Variants in ABCB5 observed in about 807,000 individuals in gnomAD.
ABCB5 encodes the protein ATP binding cassette subfamily B member 5.
A neutral mutation model predicts 144.2 loss-of-function variants in ABCB5; 155 were observed. The ratio of observed to expected loss-of-function variants is 1.08; its 90% CI spans 0.94 to 1.23. The LOEUF is 1.23. Ranked by LOEUF, ABCB5 falls within the 50% of genes most tolerant of loss-of-function variation. The pLI is 0.00. For missense variants in ABCB5, 1,830 were observed against 1,520.8 expected (o/e 1.20, Z -3.38); for synonymous variants, 610 against 528.6 (o/e 1.15, Z -2.11).
At chr7:20,696,614 A>C (rs1038837767) in intron 16 of ABCB5, among the ~76,000 whole-genome samples, 3 of 152,116 alleles carry the variant, frequency 2.0e-5, no homozygotes, top group African/African-American at 7.2e-5. Context: ...GAAAGCTCTA[A>C]GCTGTATCAA....
intron 14 of ABCB5, chr7:20,667,022 T>C (rs12535128): frequency 1.6e-6 from 1 of 629,722 alleles, no homozygotes; most frequent in Non-Finnish European, 2.3e-6. Context: ...TTAGGTCACA[T>C]GAATGATCTA....
At chr7:20,626,006 T>C (rs60483153) in intron 2 of ABCB5, among the ~76,000 whole-genome samples, 11,442 of 152,236 alleles carry the variant, frequency 0.075, 457 homozygotes, top group African/African-American at 0.096. Flanking sequence ...GAAGACTTTA[T>C]GCTAAGTGAA....
intron 26 of ABCB5, among the ~76,000 whole-genome samples, chr7:20,752,981 G>A (rs1782977904): frequency 1.3e-5 from 2 of 152,190 alleles, no homozygotes; most frequent in South Asian, 4.1e-4. Flanking sequence ...TAATTTCCTT[G>A]TTGTTTTTAC....
Position 20,639,924 on chromosome 7 carries a change from C to G in ABCB5, c.315-3260C>G, listed in dbSNP as rs571311566. ...AATTTTGACAGGGATTGCATTGAATCTATAGATAAATTTGGGGAAGATTGT... is the reference window on the plus strand; with the variant it reads ...AATTTTGACAGGGATTGCATTGAATGTATAGATAAATTTGGGGAAGATTGT... On this transcript the variant is annotated intron_variant, in intron 5 of 27. Transcript: ENST00000404938. Among the ~76,000 whole-genome samples the G allele has an allele frequency of 2.4e-4, 36 of 152,242 alleles. No homozygotes were observed. In the South Asian group the frequency reaches 7.3e-3, roughly 31 times the overall value.
At chr7:20,624,020 T>G (rs932319924) in intron 2 of ABCB5, among the ~76,000 whole-genome samples, 1 of 152,188 alleles carries the variant, frequency 6.6e-6, no homozygotes, top group African/African-American at 2.4e-5. Flanking sequence ...TAGGAACATT[T>G]TGAAAATCAA....
intron 2 of ABCB5, among the ~76,000 whole-genome samples, chr7:20,624,597 A>G (rs764507742): frequency 7.9e-5 from 12 of 152,310 alleles, no homozygotes; most frequent in Non-Finnish European, 1.6e-4. Context: ...TGGGCCCTGA[A>G]AAGTGAAATT....
chr7:20,739,724 T>G (rs187920440), intron 24 of ABCB5, among the ~76,000 whole-genome samples: 2 of 152,326 alleles, frequency 1.3e-5, no homozygotes, highest in Admixed American at 1.3e-4. Flanking sequence ...TTTGTTTTTT[T>G]TTCTCTGATA....
chr7:20,625,864 G>C (rs11773775), intron 2 of ABCB5, among the ~76,000 whole-genome samples: 2 of 152,040 alleles, frequency 1.3e-5, no homozygotes, highest in Admixed American at 6.5e-5. Flanking sequence ...TCCTAACAGC[G>C]TTACTAGGAA....
chr7:20,734,674 A>C (rs1051681619), intron 23 of ABCB5, among the ~76,000 whole-genome samples: 2 of 152,034 alleles, frequency 1.3e-5, no homozygotes, highest in Admixed American at 6.6e-5. Context: ...GACAACACGC[A>C]TGTCTTATGG....
At chr7:20,632,169 C>T (rs1364182403) in intron 5 of ABCB5, 56 bp downstream of exon 5, 2 of 1,269,278 alleles carry the variant, frequency 1.6e-6, no homozygotes, top group African/African-American at 3.0e-5. Flanking sequence ...TTATTTAAAG[C>T]TTACAAGAAA....
chr7:20,729,475 G>A (rs1782142045), intron 23 of ABCB5, among the ~76,000 whole-genome samples: 1 of 152,160 alleles, frequency 6.6e-6, no homozygotes, highest in Admixed American at 6.5e-5. Context: ...TGAATGTGGT[G>A]TCCCAGTGAG....
chr7:20,673,364 A>C (rs1785509319), intron 14 of ABCB5, among the ~76,000 whole-genome samples: 1 of 152,012 alleles, frequency 6.6e-6, no homozygotes, highest in South Asian at 2.1e-4. Flanking sequence ...AGGGTATTTA[A>C]TTCTTCAACT....
chr7:20,753,310 T>G lies in ABCB5; in HGVS notation c.3430-50T>G, dbSNP rs1437448424. 1.9e-6 allele frequency: 3 copies of G among 1,560,600 alleles called. No individual in the cohort carries two copies. The African/African-American group carries it at 4.1e-5, about 21-fold the overall frequency. ...TGGTTCTCGCCCACAGTTGCCATGC[T>G]AATTTAAATAACCAAGACTTGCTTT... On this transcript the variant is annotated intron_variant, in intron 26 of 27. Transcript: ENST00000404938.
At chr7:20,657,654 A>C (rs1021159556) in intron 13 of ABCB5, among the ~76,000 whole-genome samples, 8 of 152,206 alleles carry the variant, frequency 5.3e-5, no homozygotes, top group Admixed American at 2.6e-4. Context: ...AAGGAAACTT[A>C]CTAGGGCTAC....
intron 24 of ABCB5, among the ~76,000 whole-genome samples, chr7:20,741,825 T>C (rs894369208): frequency 6.6e-6 from 1 of 152,074 alleles, no homozygotes; most frequent in Non-Finnish European, 1.5e-5. Context: ...TCCTTAGTTG[T>C]TTAGTCTAAC....
intron 1 of ABCB5, among the ~76,000 whole-genome samples, chr7:20,619,706 G>T (rs1363445453): frequency 6.6e-6 from 1 of 152,074 alleles, no homozygotes; most frequent in Non-Finnish European, 1.5e-5. Context: ...GCCAATTTTT[G>T]CTTCTGTCAC....
At chr7:20,751,341 G>T (rs745360310) in intron 26 of ABCB5, among the ~76,000 whole-genome samples, 2 of 152,086 alleles carry the variant, frequency 1.3e-5, no homozygotes, top group African/African-American at 2.4e-5. Flanking sequence ...GCGTGGTGGC[G>T]GGCGCCTGTA....
intron 14 of ABCB5, among the ~76,000 whole-genome samples, chr7:20,674,428 G>C (rs996063494): frequency 6.6e-6 from 1 of 151,842 alleles, no homozygotes; most frequent in Non-Finnish European, 1.5e-5. Context: ...ATACCTTAAA[G>C]ATGTTGCTCA....
intron 21 of ABCB5, 48 bp from the exon 22 acceptor site, chr7:20,726,992 T>C: frequency 1.5e-6 from 2 of 1,367,210 alleles, no homozygotes; most frequent in Non-Finnish European, 2.0e-6. Flanking sequence ...GGGAAAAGAT[T>C]AACCATTACT....
Sources: allele counts gnomAD v4.1 joint callset (sites outside exome capture counted in the v4.1 genomes callset), GRCh38; gene constraint gnomAD v4.1.1; transcripts MANE v1.5; gene names NCBI Gene and HGNC (gene_info 2026-07-23, HGNC 2026-07-21).